The following DENND2C variants were observed in gnomAD, a reference collection of about 807,000 sequenced individuals.
The protein encoded by DENND2C is DENN domain-containing protein 2C.
DENND2C carries 72 observed loss-of-function variants against 112.4 expected under a neutral mutation model. That is an observed-to-expected ratio of 0.64 (90% CI 0.53 to 0.78). DENND2C has a LOEUF of 0.78. DENND2C is among the 30% of genes least tolerant of loss of function. DENND2C has a pLI of 0.00. For synonymous variants in DENND2C, 329 were observed against 381.6 expected, an observed-to-expected ratio of 0.86 and a Z score of 1.61; for missense variants, 992 against 1,113.8, an observed-to-expected ratio of 0.89 and a Z score of 1.56.
intron 18 of DENND2C, among the ~76,000 whole-genome samples, chr1:114,589,322 G>C (rs1557937090): frequency 6.6e-6 from 1 of 152,150 alleles, no homozygotes; most frequent in Non-Finnish European, 1.5e-5. Context: ...TAAAGCAGTT[G>C]CATAATAGTG....
In DENND2C at chr1:114,583,168, G is replaced by C. The variant is rs1026272026; in HGVS notation, c.*2432C>G. The C allele has an allele frequency of 6.6e-6, 1 of 152,042 alleles. No homozygotes were observed. The highest frequency in any genetic ancestry group is 1.9e-4 in the East Asian group (1 of 5,170). 9.4% of individuals were successfully genotyped at this position (152,042 alleles called of 1,614,324 possible). A position where few individuals can be genotyped will look rare whatever the true frequency, so the allele number is the denominator to read the frequency against. ...GAGATGTCTAGTAGAAGCCCCACTG[G>C]GGGTAACCTGCTTAACATTAAAAAA... On this transcript the variant is annotated 3_prime_UTR_variant, in exon 21 of 21. Transcript: ENST00000393274.
chr1:114,645,071 A>G (rs1393892797), intron 3 of DENND2C, among the ~76,000 whole-genome samples: 1 of 152,210 alleles, frequency 6.6e-6, no homozygotes, highest in Non-Finnish European at 1.5e-5. Flanking sequence ...AAGTTTAACT[A>G]CAAATATTTT....
At chr1:114,637,369 CAAAAAAAAAAA>C (rs71575188) in intron 3 of DENND2C, among the ~76,000 whole-genome samples, 7 of 127,730 alleles carry the variant, frequency 5.5e-5, no homozygotes, top group East Asian at 2.4e-4. Context: ...GACTCTGTCT[CAAAAAAAAAAA>C]AAAAAAAAGA....
chr1:114,608,930 C>T lies in DENND2C; in HGVS notation c.1370-57G>A, dbSNP rs1655735498. ...CTCTGTAGCCCTACCTTCCTTTCAG[C>T]ATCCAGAGGTCATGACCCACATAGG... On this transcript the variant is annotated intron_variant, in intron 9 of 20. Coordinates refer to ENST00000393274, the MANE Select transcript of DENND2C (RefSeq NM_001256404.2). 5 of 1,586,372 alleles carry T rather than the reference C, an allele frequency of 3.2e-6. No homozygotes were observed. In the South Asian group the frequency reaches 5.6e-5, roughly 18 times the overall value.
intron 1 of DENND2C, among the ~76,000 whole-genome samples, chr1:114,665,716 T>C (rs1361305491): frequency 6.6e-6 from 1 of 152,256 alleles, no homozygotes; most frequent in Non-Finnish European, 1.5e-5. Flanking sequence ...GTAAAAGTTG[T>C]TCAACTTTCA....
rs558706637 is a variant in DENND2C, at chr1:114,666,614, C to T, written c.-574+3369G>A. The stretch of plus-strand genomic sequence containing the variant: ...GGGATTACAGGCACACGCCACCACA[C>T]CCGTATAATTTTTGTATTTTAGTAG... On this transcript the variant is annotated intron_variant, in intron 1 of 20. Coordinates refer to ENST00000393274, the MANE Select transcript of DENND2C (RefSeq NM_001256404.2). Among the ~76,000 whole-genome samples the T allele has an allele frequency of 2.6e-5, 4 of 152,290 alleles. No individual in the cohort carries two copies. The South Asian group carries it at 8.3e-4, about 32-fold the overall frequency.
At chr1:114,646,897 T>C (rs930230237) in intron 2 of DENND2C, among the ~76,000 whole-genome samples, 5 of 152,110 alleles carry the variant, frequency 3.3e-5, no homozygotes, top group Admixed American at 1.3e-4. Flanking sequence ...CGGTAGCTCA[T>C]GCCTGTAATC....
chr1:114,637,281 A>G (rs1325869540), intron 3 of DENND2C, among the ~76,000 whole-genome samples: 2 of 150,556 alleles, frequency 1.3e-5, no homozygotes, highest in African/African-American at 2.4e-5. Context: ...AGGCACAGGA[A>G]TCGCTTGAAC....
At chr1:114,656,651 C>T (rs909756004) in intron 1 of DENND2C, among the ~76,000 whole-genome samples, 1 of 152,148 alleles carries the variant, frequency 6.6e-6, no homozygotes, top group Non-Finnish European at 1.5e-5. Flanking sequence ...CTGCCTCGGC[C>T]TCCCAAAGTG....
At chr1:114,617,846 A>G (rs2101660589) in intron 8 of DENND2C, among the ~76,000 whole-genome samples, 1 of 152,278 alleles carries the variant, frequency 6.6e-6, no homozygotes, top group South Asian at 2.1e-4. Flanking sequence ...TTTAGTCTCA[A>G]TGGTTTATGA....
At position 114,618,436 on chromosome 1, in the gene DENND2C, T is replaced by C; in HGVS notation, c.1274A>G (p.Lys425Arg). The C allele has an allele frequency of 1.3e-6, 2 of 1,595,254 alleles. No homozygotes were observed. The highest frequency in any genetic ancestry group is 1.7e-6 in the Non-Finnish European group (2 of 1,173,360). The change falls in exon 8 of 21, where the codon AAG becomes AGG. Residue 425 changes from lysine (K) to arginine (R), a missense_variant. Transcript: ENST00000393274. ...DDIFESKRGK[K>R]KVKLHSYTGK... is the part of the protein sequence containing the mutation. ...AGTGTAAGAATGTAACTTTACCTTC[T>C]TCTTCCCTCTTTTAGATTCAAATAT...
intron 17 of DENND2C, chr1:114,595,398 T>G (rs1655314199): frequency 6.6e-6 from 1 of 152,044 alleles, no homozygotes; most frequent in Non-Finnish European, 1.4e-5. Context: ...GAGAATGGCG[T>G]GAACCCAGGA....
rs1387937811 is a variant in DENND2C, at chr1:114,601,596, A to G, written c.1738-11T>C. 2 of 1,608,196 alleles carry G rather than the reference A, an allele frequency of 1.2e-6. No homozygotes were observed. Among genetic ancestry groups the G allele is most frequent in the Non-Finnish European group, 1.7e-6 (2 of 1,177,836 alleles). ...TCCTTTGCCTACTGGCTAAAAGATA[A>G]AAACAACAACAACAAAAAAATCAAG... On this transcript the variant is annotated splice_polypyrimidine_tract_variant and intron_variant, in intron 12 of 20. Coordinates refer to ENST00000393274, the MANE Select transcript of DENND2C (RefSeq NM_001256404.2).
chr1:114,640,894 G>T (rs933482476), intron 3 of DENND2C, among the ~76,000 whole-genome samples: 7 of 152,106 alleles, frequency 4.6e-5, no homozygotes, highest in Non-Finnish European at 7.4e-5. Flanking sequence ...AACAGCCTTT[G>T]ATTTTTTAAT....
intron 3 of DENND2C, among the ~76,000 whole-genome samples, chr1:114,638,738 G>A (rs1339586725): frequency 4.9e-5 from 7 of 142,116 alleles, no homozygotes; most frequent in East Asian, 2.0e-4. Flanking sequence ...ACTCCAGCCT[G>A]GGCAACAGAG....
intron 1 of DENND2C, among the ~76,000 whole-genome samples, chr1:114,669,312 C>T (rs1048640450): frequency 1.3e-5 from 2 of 152,142 alleles, no homozygotes; most frequent in African/African-American, 2.4e-5. Context: ...TTCACAGTTA[C>T]GGAAAGAGAG....
intron 1 of DENND2C, among the ~76,000 whole-genome samples, chr1:114,658,092 A>G (rs1225832297): frequency 1.3e-5 from 2 of 152,332 alleles, no homozygotes; most frequent in African/African-American, 4.8e-5. Flanking sequence ...TCTATTTTCT[A>G]TTTTAACAGC....
chr1:114,583,216 C>G lies in DENND2C; in HGVS notation c.*2384G>C. 6.6e-6 allele frequency: 1 copy of G among 152,182 alleles called. No individual in the cohort carries two copies. The highest frequency in any genetic ancestry group is 1.9e-4 in the East Asian group (1 of 5,200). 9.4% of individuals were successfully genotyped at this position (152,182 alleles called of 1,614,324 possible). A position where few individuals can be genotyped will look rare whatever the true frequency, so the allele number is the denominator to read the frequency against. Reference sequence around the variant, plus strand: ...AAAAAGACAGGCTCAGTTCTATTCCCTGGACCCACATCTGTAGGAATTATA... The same window carrying G: ...AAAAAGACAGGCTCAGTTCTATTCCGTGGACCCACATCTGTAGGAATTATA... On this transcript the variant is annotated 3_prime_UTR_variant, in exon 21 of 21. Coordinates refer to ENST00000393274, the MANE Select transcript of DENND2C (RefSeq NM_001256404.2).
At chr1:114,665,165 A>G (rs1026297835) in intron 1 of DENND2C, among the ~76,000 whole-genome samples, 8 of 151,954 alleles carry the variant, frequency 5.3e-5, no homozygotes, top group Admixed American at 2.0e-4. Flanking sequence ...GTTTCTCAGG[A>G]GACTGAAGCA....
Sources: gnomAD v4.1 joint callset for allele counts (sites outside exome capture counted in the v4.1 genomes callset) on GRCh38, gnomAD v4.1.1 for gene constraint, MANE v1.5 for transcripts, NCBI Gene and HGNC (gene_info 2026-07-23, HGNC 2026-07-21) for gene names.